ROBO1: variants seen among roughly 807,000 people sequenced by gnomAD.
The protein encoded by ROBO1 is roundabout homolog 1.
In ROBO1, 149 loss-of-function variants were observed where a neutral mutation model predicts 195.9. That is an observed-to-expected ratio of 0.76 (90% CI 0.67 to 0.87). The LOEUF (loss-of-function observed/expected upper bound fraction) is 0.87, where lower values mean the gene tolerates loss of function less well. Ranked by LOEUF, ROBO1 falls within the 40% of genes least tolerant of loss-of-function variation. The pLI, the probability that ROBO1 is intolerant of heterozygous loss-of-function variation, is 0.00. For missense variants in ROBO1, 1,933 were observed against 2,068.3 expected, an observed-to-expected ratio of 0.93 and a Z score of 1.27; for synonymous variants, 816 against 733.2, an observed-to-expected ratio of 1.11 and a Z score of -1.82.
chr3:79,557,740 A>AT (rs1942757188), intron 2 of ROBO1, among the ~76,000 whole-genome samples: 1 of 104,426 alleles, frequency 9.6e-6, no homozygotes, highest in African/African-American at 4.8e-5. Context: ...TAAAACAAAA[A>AT]AAAATATATA....
chr3:79,510,552 C>CTTTTT (rs11293666), intron 2 of ROBO1, among the ~76,000 whole-genome samples: 1 of 144,490 alleles, frequency 6.9e-6, no homozygotes, highest in African/African-American at 2.5e-5. Context: ...ATCCTTTCTT[C>CTTTTT]TTTTTTTTTT....
intron 2 of ROBO1, among the ~76,000 whole-genome samples, chr3:79,420,717 T>C (rs1178642290): frequency 1.3e-5 from 2 of 152,060 alleles, no homozygotes; most frequent in African/African-American, 4.8e-5. Context: ...AAAGAACCCA[T>C]TAAAAATTAA....
At position 78,619,222 on chromosome 3, in the gene ROBO1, G is replaced by A. The variant is rs72904750; in HGVS notation, c.3876-1181C>T. On this transcript the variant is annotated intron_variant, in intron 26 of 30. Coordinates refer to ENST00000464233, the MANE Select transcript of ROBO1 (RefSeq NM_002941.4). Reference sequence around the variant, plus strand: ...TTTTGCACTCCTGAGAAGTAAAGAGGATAGATTCTACACAAGCTGCCAAAC... The same window carrying A: ...TTTTGCACTCCTGAGAAGTAAAGAGAATAGATTCTACACAAGCTGCCAAAC... 5.0e-3 allele frequency among the ~76,000 whole-genome samples: 758 copies of A among 152,102 alleles called. 5 individuals carry two copies. The highest frequency in any genetic ancestry group is 0.017 in the African/African-American group (695 of 41,500).
intron 19 of ROBO1, among the ~76,000 whole-genome samples, chr3:78,650,249 A>T (rs1171190715): frequency 6.6e-6 from 1 of 152,156 alleles, no homozygotes; most frequent in Non-Finnish European, 1.5e-5. Context: ...AATGAGCACC[A>T]GTTCTCTTTT....
intron 2 of ROBO1, among the ~76,000 whole-genome samples, chr3:79,328,276 C>T (rs1212898128): frequency 2.0e-5 from 3 of 152,176 alleles, no homozygotes; most frequent in African/African-American, 7.2e-5. Flanking sequence ...TAAACTCCCT[C>T]TGTAACATGC....
At chr3:79,209,442 T>C (rs2081931688) in intron 2 of ROBO1, among the ~76,000 whole-genome samples, 1 of 152,216 alleles carries the variant, frequency 6.6e-6, no homozygotes, top group African/African-American at 2.4e-5. Flanking sequence ...ATCATGCTTC[T>C]ATAAACATGC....
intron 10 of ROBO1, among the ~76,000 whole-genome samples, chr3:78,680,544 A>G (rs2080872479): frequency 1.3e-5 from 2 of 152,204 alleles, no homozygotes; most frequent in African/African-American, 4.8e-5. Flanking sequence ...ACACTTCTCA[A>G]AAGAAGACAT....
At chr3:79,283,910 G>A (rs2031707934) in intron 2 of ROBO1, among the ~76,000 whole-genome samples, 1 of 151,746 alleles carries the variant, frequency 6.6e-6, no homozygotes, top group Non-Finnish European at 1.5e-5. Context: ...TGTTAGCCAG[G>A]ATGGTCTCGA....
chr3:79,675,968 G>A (rs1331537750), intron 1 of ROBO1, among the ~76,000 whole-genome samples: 1 of 151,936 alleles, frequency 6.6e-6, no homozygotes, highest in Admixed American at 6.6e-5. Flanking sequence ...TATTTTGGGA[G>A]GGTCTTTATT....
chr3:79,322,072 T>C (rs1024097405), intron 2 of ROBO1, among the ~76,000 whole-genome samples: 4 of 152,160 alleles, frequency 2.6e-5, no homozygotes, highest in Non-Finnish European at 5.9e-5. Flanking sequence ...AACCCAATGG[T>C]TTAGATAATT....
At chr3:79,456,689 C>T (rs2039629530) in intron 2 of ROBO1, among the ~76,000 whole-genome samples, 1 of 152,036 alleles carries the variant, frequency 6.6e-6, no homozygotes, top group Admixed American at 6.6e-5. Context: ...TTGTGTCAGA[C>T]CTAGAATATT....
intron 1 of ROBO1, among the ~76,000 whole-genome samples, chr3:79,693,383 T>TTGTGTGTG (rs55667736): frequency 6.2e-5 from 9 of 145,124 alleles, no homozygotes; most frequent in African/African-American, 2.3e-4. Context: ...ATATAGAGAT[T>TTGTGTGTG]TGTGTGTGTG....
chr3:79,251,479 G>A (rs1253886027), intron 2 of ROBO1, among the ~76,000 whole-genome samples: 6 of 152,254 alleles, frequency 3.9e-5, no homozygotes, highest in African/African-American at 1.4e-4. Context: ...CAGGCTGGGC[G>A]CTGTGGCTCA....
intron 2 of ROBO1, among the ~76,000 whole-genome samples, chr3:79,388,116 A>C (rs2036821593): frequency 6.6e-6 from 1 of 152,158 alleles, no homozygotes; most frequent in African/African-American, 2.4e-5. Flanking sequence ...TTTTATAGTG[A>C]AACTAAGATC....
intron 4 of ROBO1, among the ~76,000 whole-genome samples, chr3:78,877,905 A>C (rs927183657): frequency 6.6e-6 from 1 of 152,158 alleles, no homozygotes; most frequent in African/African-American, 2.4e-5. Flanking sequence ...TTTTACACCT[A>C]CTTCAACTAA....
chr3:78,843,490 C>A (rs561597793), intron 4 of ROBO1, among the ~76,000 whole-genome samples: 6 of 152,098 alleles, frequency 3.9e-5, no homozygotes, highest in African/African-American at 1.4e-4. Flanking sequence ...CTCTGATGTT[C>A]CATCACTTGG....
At chr3:78,688,407 G>A (rs1050306578) in intron 9 of ROBO1, among the ~76,000 whole-genome samples, 3 of 152,086 alleles carry the variant, frequency 2.0e-5, no homozygotes, top group Admixed American at 1.3e-4. Context: ...TAGAAATAAA[G>A]GTTAATTTTA....
At chr3:78,887,098 G>C (rs1248264196) in intron 4 of ROBO1, among the ~76,000 whole-genome samples, 1 of 152,086 alleles carries the variant, frequency 6.6e-6, no homozygotes, top group African/African-American at 2.4e-5. Context: ...CAATAATACT[G>C]TTCTTAGTAT....
intron 2 of ROBO1, among the ~76,000 whole-genome samples, chr3:79,520,612 T>C (rs1430846313): frequency 6.6e-6 from 1 of 152,134 alleles, no homozygotes; most frequent in Non-Finnish European, 1.5e-5. Context: ...GAAATTAAGA[T>C]AAAGATAGAG....
Sources: allele counts gnomAD v4.1 joint callset (sites outside exome capture counted in the v4.1 genomes callset), GRCh38; gene constraint gnomAD v4.1.1; transcripts MANE v1.5; gene names NCBI Gene and HGNC (gene_info 2026-07-23, HGNC 2026-07-21).